The following ZEB2 variants were observed in gnomAD, a reference collection of about 807,000 sequenced individuals.
ZEB2 encodes the protein zinc finger E-box-binding homeobox 2.
ZEB2 carries 6 observed loss-of-function variants against 99.9 expected under a neutral mutation model. That is an observed-to-expected ratio of 0.06 (90% CI 0.03 to 0.12). The LOEUF is 0.12. Among genes scored for constraint, ZEB2 ranks in the 10% least tolerant of loss-of-function variants. ZEB2 has a pLI of 1.00. For synonymous variants in ZEB2, 517 were observed against 542.5 expected (o/e 0.95, Z 0.65); for missense variants, 969 against 1,502.8 (o/e 0.64, Z 5.87).
chr2:144,455,437 A>G lies in ZEB2; in HGVS notation c.74-25411T>C, dbSNP rs972107607. The stretch of plus-strand genomic sequence containing the variant: ...TTACAAGCTGACTATCTGCTACTTC[A>G]TTGAAAGAAAATTAAGAGTTGATTT... On this transcript the variant is annotated intron_variant, in intron 2 of 9. Transcript: ENST00000627532. Among the ~76,000 whole-genome samples the G allele has an allele frequency of 2.0e-5, 3 of 152,168 alleles. 1 individual carries two copies. The highest frequency in any genetic ancestry group is 4.8e-5 in the African/African-American group (2 of 41,448).
intron 4 of ZEB2, among the ~76,000 whole-genome samples, chr2:144,408,455 G>T (rs1385623050): frequency 6.6e-6 from 1 of 152,128 alleles, no homozygotes; most frequent in African/African-American, 2.4e-5. Flanking sequence ...TTCAAAAAGG[G>T]TTTCATGAAG....
chr2:144,399,819 A>G lies in ZEB2; in HGVS notation c.1368T>C (p.Asn456=), dbSNP rs1703285094. Residue 456 remains asparagine, a synonymous_variant, in exon 8 of 10, where the codon AAT becomes AAC. Transcript: ENST00000627532. This position sits in a 1 kb window ranked among gnomAD's most constrained non-coding sequence, Gnocchi z 5.6. ...GTAGAACCTTTTGTACCTCACTTAA[A>G]TTACTATTCATGGTGGGAAACCCAA... ...PLLGFPTMNS[N]LSEVQKVLQI... is the part of the protein sequence containing the mutation. The G allele has an allele frequency of 6.2e-7, 1 of 1,614,184 alleles. No homozygotes were observed. Among genetic ancestry groups the G allele is most frequent in the Middle Eastern group, 1.6e-4 (1 of 6,062 alleles).
In ZEB2 at chr2:144,440,626, A is replaced by G. The variant is rs1032295503; in HGVS notation, c.74-10600T>C. On this transcript the variant is annotated intron_variant, in intron 2 of 9. Coordinates refer to ENST00000627532, the MANE Select transcript of ZEB2 (RefSeq NM_014795.4). ...ATTCATCCCATTTTTTGGCCAGAACAATTGAGTCACACGCATGGTGTGCCT... is the reference window on the plus strand; with the variant it reads ...ATTCATCCCATTTTTTGGCCAGAACGATTGAGTCACACGCATGGTGTGCCT... Among the ~76,000 whole-genome samples the G allele has an allele frequency of 2.8e-4, 43 of 151,026 alleles. 1 individual carries two copies. The highest frequency in any genetic ancestry group is 1.5e-5 in the Non-Finnish European group (1 of 67,900).
At chr2:144,479,682 T>TGGGGGGGGGG (rs140945730) in intron 2 of ZEB2, among the ~76,000 whole-genome samples, 4 of 29,846 alleles carry the variant, frequency 1.3e-4, no homozygotes, top group Admixed American at 3.7e-4. Flanking sequence ...CTACTTTTTT[T>TGGGGGGGGGG]TGGGGGGGGG....
At chr2:144,449,244 C>T (rs954288955) in intron 2 of ZEB2, among the ~76,000 whole-genome samples, 2 of 152,102 alleles carry the variant, frequency 1.3e-5, no homozygotes, top group African/African-American at 2.4e-5. Context: ...GAGAGGAAGC[C>T]GGGTTGGGAA....
In ZEB2 at chr2:144,389,678, G is replaced by T; in HGVS notation, c.3418C>A (p.His1140Asn). The T allele has an allele frequency of 6.2e-7, 1 of 1,613,956 alleles. No individual in the cohort carries two copies. The highest frequency in any genetic ancestry group is 8.5e-7 in the Non-Finnish European group (1 of 1,179,972). ...MPRDGESEKE[H>N]EKEGEDGYGK... ...TAGCCATCCTCGCCTTCTTTCTCGTGCTCCTTCTCGCTCTCGCCATCCCTC... is the reference window on the plus strand; with the variant it reads ...TAGCCATCCTCGCCTTCTTTCTCGTTCTCCTTCTCGCTCTCGCCATCCCTC... The change falls in exon 10 of 10, where the codon CAC becomes AAC. Residue 1140 changes from histidine (H) to asparagine (N), a missense_variant. Coordinates refer to ENST00000627532, the MANE Select transcript of ZEB2 (RefSeq NM_014795.4). The surrounding 1 kb of genome is among the most constrained non-coding windows in gnomAD (Gnocchi z 6.8).
At chr2:144,444,076 AG>A (rs1311041359) in intron 2 of ZEB2, among the ~76,000 whole-genome samples, 6 of 152,204 alleles carry the variant, frequency 3.9e-5, no homozygotes, top group Non-Finnish European at 8.8e-5. Context: ...TCTTTTTGGT[AG>A]CTTCATCCAA....
Position 144,399,280 on chromosome 2 carries a change from A to C in ZEB2, c.1907T>G (p.Leu636Trp). 1 of 1,614,140 alleles carries C rather than the reference A, an allele frequency of 6.2e-7. No individual in the cohort carries two copies. Among genetic ancestry groups the C allele is most frequent in the South Asian group, 1.1e-5 (1 of 91,084 alleles). ...TCCTTTCTCAGAAAGTACAGATGAC[A>C]AGAGGAGGGCTTTATTATCAACAAA... Reference protein sequence around the residue: ...GVFVDNKALLLSSVLSEKGMT... With the variant: ...GVFVDNKALLWSSVLSEKGMT... The change falls in exon 8 of 10, where the codon TTG (leucine) becomes TGG (tryptophan). Residue 636 changes from leucine to tryptophan, a missense_variant. Physicochemically the swap from Leu to Trp is moderately conservative, Grantham distance 61 (BLOSUM62 -2). Transcript: ENST00000627532. This position sits in a 1 kb window ranked among gnomAD's most constrained non-coding sequence, Gnocchi z 5.6.
chr2:144,517,779 G>T, intron 1 of ZEB2: 1 of 677,888 alleles, frequency 1.5e-6, no homozygotes, highest in Non-Finnish European at 2.7e-6. Flanking sequence ...CCCCCGGCTC[G>T]GGAACTTGGG....
At chr2:144,427,595 A>C (rs1218512688) in intron 3 of ZEB2, 3 of 152,242 alleles carry the variant, frequency 2.0e-5, no homozygotes, top group African/African-American at 7.2e-5. Context: ...GTGTTATCTC[A>C]GAGTCAGGAT....
chr2:144,429,479 G>T (rs1703738345), intron 3 of ZEB2: 3 of 429,312 alleles, frequency 7.0e-6, no homozygotes, highest in Non-Finnish European at 1.3e-5. Context: ...TACATAATTT[G>T]CACATTGTAA....
chr2:144,472,974 A>G (rs1461581397), intron 2 of ZEB2, among the ~76,000 whole-genome samples: 1 of 152,164 alleles, frequency 6.6e-6, no homozygotes, highest in Non-Finnish European at 1.5e-5. Context: ...ATGGACCAAA[A>G]ACATAGACAA....
chr2:144,454,190 T>C (rs1704090498), intron 2 of ZEB2, among the ~76,000 whole-genome samples: 1 of 152,252 alleles, frequency 6.6e-6, no homozygotes, highest in Non-Finnish European at 1.5e-5. Flanking sequence ...GAATAAAAGA[T>C]GTTGCTTCGT....
intron 9 of ZEB2, among the ~76,000 whole-genome samples, chr2:144,392,313 T>C (rs1703163791): frequency 6.6e-6 from 1 of 152,182 alleles, no homozygotes; most frequent in Non-Finnish European, 1.5e-5. Context: ...TGATATGGCT[T>C]TCTTTTCCAA....
chr2:144,389,958 T>C lies in ZEB2; in HGVS notation c.3138A>G (p.Ser1046=). Residue 1046 remains serine, a synonymous_variant, in exon 10 of 10, where the codon TCA becomes TCG. Coordinates refer to ENST00000627532, the MANE Select transcript of ZEB2 (RefSeq NM_014795.4). This position sits in a 1 kb window ranked among gnomAD's most constrained non-coding sequence, Gnocchi z 6.8. ...AGGGCTTCTCGCCCGAGTGAAGCCT[T>C]GAGTGCTCGATAAGGTGGTGCTTGT... The part of the protein sequence containing the change: ...FKHKHHLIEH[S]RLHSGEKPYQ... The C allele has an allele frequency of 6.2e-7, 1 of 1,608,726 alleles. No homozygotes were observed. The highest frequency in any genetic ancestry group is 1.1e-5 in the South Asian group (1 of 91,088).
At chr2:144,472,432 T>G (rs1002343956) in intron 2 of ZEB2, among the ~76,000 whole-genome samples, 1 of 152,086 alleles carries the variant, frequency 6.6e-6, no homozygotes, top group Non-Finnish European at 1.5e-5. Flanking sequence ...TACAGCATGA[T>G]GGTGATTGAA....
rs910396841 is a variant in ZEB2, at chr2:144,517,267, C to T, written c.73+11G>A. 6.2e-7 allele frequency: 1 copy of T among 1,613,386 alleles called. No homozygotes were observed. Among genetic ancestry groups the T allele is most frequent in the Non-Finnish European group, 8.5e-7 (1 of 1,179,782 alleles). On this transcript the variant is annotated intron_variant, in intron 2 of 9. Transcript: ENST00000627532. Reference sequence around the variant, plus strand: ...GTGGCCCGGAAAAGTTTGGTTCGGGCTGCTTCTTACCGTTTTTCCTCCTGG... The same window carrying T: ...GTGGCCCGGAAAAGTTTGGTTCGGGTTGCTTCTTACCGTTTTTCCTCCTGG...
intron 2 of ZEB2, chr2:144,511,978 A>G: frequency 2.3e-6 from 3 of 1,287,154 alleles, no homozygotes; most frequent in Non-Finnish European, 3.0e-6. Context: ...TGCATCACAG[A>G]TTTTCCTCCT....
chr2:144,419,684 T>C (rs1703593802), intron 4 of ZEB2, among the ~76,000 whole-genome samples: 1 of 152,228 alleles, frequency 6.6e-6, no homozygotes, highest in African/African-American at 2.4e-5. Flanking sequence ...CCTAATAATT[T>C]CATTTTGAAT....
Sources: gnomAD v4.1 joint callset for allele counts (sites outside exome capture counted in the v4.1 genomes callset) on GRCh38, gnomAD v4.1.1 for gene constraint, Gnocchi (gnomAD v3.1) non-coding constraint, MANE v1.5 for transcripts, NCBI Gene and HGNC (gene_info 2026-07-23, HGNC 2026-07-21) for gene names.